The following CADM2 variants were observed in gnomAD, a reference collection of about 807,000 sequenced individuals.
The protein encoded by CADM2 is immunoglobulin superfamily member 4D.
CADM2 carries 12 observed loss-of-function variants against 49.8 expected under a neutral mutation model. The observed-to-expected ratio is 0.24, with a 90% CI of 0.15 to 0.39. The LOEUF is 0.39. Among genes scored for constraint, CADM2 ranks in the 10% least tolerant of loss-of-function variants. The pLI is 1.00. For missense variants in CADM2, 378 were observed against 492.3 expected (o/e 0.77, Z 2.20); for synonymous variants, 214 against 175.4 (o/e 1.22, Z -1.74).
At chr3:85,743,226 G>T (rs963734194) in intron 2 of CADM2, among the ~76,000 whole-genome samples, 15 of 151,886 alleles carry the variant, frequency 9.9e-5, no homozygotes, top group African/African-American at 3.4e-4. Context: ...CTTGACTTAA[G>T]AATTAATTAT....
In CADM2 at chr3:85,853,246, A is replaced by G. The variant is rs572804240; in HGVS notation, c.239-30045A>G. ...AGAAATTTACATTTTCTACATAACC[A>G]TTGTATATATATTAAAAGAGGCATT... On this transcript the variant is annotated intron_variant, in intron 3 of 9. Coordinates refer to ENST00000383699, the MANE Select transcript of CADM2 (RefSeq NM_001167675.2). 4.6e-5 allele frequency among the ~76,000 whole-genome samples: 7 copies of G among 151,950 alleles called. No homozygotes were observed. In the East Asian group the frequency reaches 1.4e-3, roughly 30 times the overall value.
At chr3:84,992,980 C>G (rs2032976284) in intron 1 of CADM2, among the ~76,000 whole-genome samples, 1 of 152,020 alleles carries the variant, frequency 6.6e-6, no homozygotes, top group African/African-American at 2.4e-5. Flanking sequence ...AGGTTGTCAA[C>G]CCAGGATGTA....
At position 85,859,424 on chromosome 3, in the gene CADM2, G is replaced by T. The variant is rs527804303; in HGVS notation, c.239-23867G>T. On this transcript the variant is annotated intron_variant, in intron 3 of 9. Transcript: ENST00000383699. ...TTTTTGTATTTTTAATAGAGACGAG[G>T]TTTCACCATGTTGGCCAGGCTGGCC... Among the ~76,000 whole-genome samples the T allele has an allele frequency of 5.9e-5, 9 of 151,752 alleles. No homozygotes were observed. The East Asian group carries it at 1.6e-3, about 26-fold the overall frequency.
At chr3:85,060,763 A>G (rs1253957353) in intron 1 of CADM2, among the ~76,000 whole-genome samples, 1 of 152,132 alleles carries the variant, frequency 6.6e-6, no homozygotes, top group African/African-American at 2.4e-5. Flanking sequence ...CACGCTTATA[A>G]TAAAAGTGTT....
intron 1 of CADM2, among the ~76,000 whole-genome samples, chr3:85,324,270 T>G (rs2044690483): frequency 6.6e-6 from 1 of 152,186 alleles, no homozygotes; most frequent in South Asian, 2.1e-4. Flanking sequence ...TAATAGTATA[T>G]AGGAATACTG....
At chr3:85,492,642 A>G (rs1424849252) in intron 1 of CADM2, among the ~76,000 whole-genome samples, 4 of 152,160 alleles carry the variant, frequency 2.6e-5, no homozygotes, top group Non-Finnish European at 4.4e-5. Flanking sequence ...AGGTAAAGAT[A>G]CATTCAGTTT....
intron 1 of CADM2, among the ~76,000 whole-genome samples, chr3:85,343,481 A>G (rs2107203459): frequency 6.6e-6 from 1 of 152,266 alleles, no homozygotes; most frequent in Middle Eastern, 3.4e-3. Context: ...CAGCATTTTT[A>G]TAAATAGAAT....
rs550495210 is a variant in CADM2, at chr3:85,125,825, A to C, written c.61+166157A>C. On this transcript the variant is annotated intron_variant, in intron 1 of 9. Coordinates refer to ENST00000383699, the MANE Select transcript of CADM2 (RefSeq NM_001167675.2). ...AATTTAGCTCTAATGATAATGAATA[A>C]AAATAAATTTGGCATTTGAATTAAT... is the stretch of plus-strand genomic sequence containing the variant. 2.6e-5 allele frequency among the ~76,000 whole-genome samples: 4 copies of C among 152,358 alleles called. No homozygotes were observed. In the South Asian group the frequency reaches 8.3e-4, roughly 32 times the overall value.
chr3:85,279,301 T>C (rs1302710524), intron 1 of CADM2, among the ~76,000 whole-genome samples: 1 of 151,534 alleles, frequency 6.6e-6, no homozygotes, highest in Non-Finnish European at 1.5e-5. Flanking sequence ...TACATTGTAA[T>C]AGTGGATCAG....
At chr3:85,221,057 A>G (rs964249785) in intron 1 of CADM2, among the ~76,000 whole-genome samples, 3 of 152,186 alleles carry the variant, frequency 2.0e-5, no homozygotes, top group Non-Finnish European at 4.4e-5. Context: ...AGAGTAAAGA[A>G]TCGGATGAGG....
At chr3:85,249,731 A>G (rs1328498623) in intron 1 of CADM2, among the ~76,000 whole-genome samples, 1 of 151,914 alleles carries the variant, frequency 6.6e-6, no homozygotes, top group African/African-American at 2.4e-5. Context: ...TTAAAAATCT[A>G]TACAATTTGG....
chr3:85,508,279 T>TC (rs1465102391), intron 1 of CADM2, among the ~76,000 whole-genome samples: 1 of 151,998 alleles, frequency 6.6e-6, no homozygotes, highest in South Asian at 2.1e-4. Flanking sequence ...ATTAGACATT[T>TC]CCCCCCCAAA....
At chr3:85,884,248 TC>T (rs1385355264) in intron 4 of CADM2, among the ~76,000 whole-genome samples, 2 of 152,052 alleles carry the variant, frequency 1.3e-5, no homozygotes, top group African/African-American at 4.8e-5. Flanking sequence ...TTGATTTTTT[TC>T]CCCCAAGCTT....
intron 8 of CADM2, chr3:85,992,159 T>G (rs1728853514): frequency 6.6e-6 from 1 of 151,942 alleles, no homozygotes; most frequent in Non-Finnish European, 1.5e-5. Context: ...CCTGCATTAT[T>G]GAAATAATCT....
intron 1 of CADM2, among the ~76,000 whole-genome samples, chr3:85,568,900 A>G (rs2062396970): frequency 6.6e-6 from 1 of 151,978 alleles, no homozygotes; most frequent in Middle Eastern, 3.2e-3. Flanking sequence ...TTTTATATGA[A>G]ATTTTAAAGT....
chr3:85,933,826 C>T (rs895583877), intron 6 of CADM2, among the ~76,000 whole-genome samples: 4 of 152,058 alleles, frequency 2.6e-5, no homozygotes, highest in Admixed American at 6.6e-5. Flanking sequence ...GCAGTTCAAA[C>T]GACATCAGGC....
chr3:85,965,928 C>A (rs998217603), intron 8 of CADM2, among the ~76,000 whole-genome samples: 3 of 151,628 alleles, frequency 2.0e-5, no homozygotes, highest in Non-Finnish European at 3.0e-5. Context: ...CAGAAATGTA[C>A]AGGACCTGGA....
At chr3:86,000,333 T>C (rs569724001) in intron 8 of CADM2, among the ~76,000 whole-genome samples, 1 of 152,274 alleles carries the variant, frequency 6.6e-6, no homozygotes, top group South Asian at 2.1e-4. Flanking sequence ...AAAGAGGGCT[T>C]AGTAGGAACT....
intron 1 of CADM2, among the ~76,000 whole-genome samples, chr3:85,244,642 A>G (rs1453057953): frequency 6.6e-6 from 1 of 152,156 alleles, no homozygotes; most frequent in Non-Finnish European, 1.5e-5. Flanking sequence ...AAATCTTCAG[A>G]TACAATTCAA....
Sources: allele counts gnomAD v4.1 joint callset (sites outside exome capture counted in the v4.1 genomes callset), GRCh38; gene constraint gnomAD v4.1.1; transcripts MANE v1.5; gene names NCBI Gene and HGNC (gene_info 2026-07-23, HGNC 2026-07-21).